AKT3: variants seen among roughly 807,000 people sequenced by gnomAD.
The protein encoded by AKT3 is AKT serine/threonine kinase 3, also known as RAC-gamma serine/threonine-protein kinase.
A neutral mutation model predicts 65.3 loss-of-function variants in AKT3; 15 were observed. The ratio of observed to expected loss-of-function variants is 0.23; its 90% CI spans 0.15 to 0.35. The LOEUF is 0.35. AKT3 is among the 10% of genes least tolerant of loss of function. AKT3 has a pLI of 1.00. For missense variants in AKT3, 243 were observed against 576.5 expected, an observed-to-expected ratio of 0.42 and a Z score of 5.92; for synonymous variants, 206 against 183.8, an observed-to-expected ratio of 1.12 and a Z score of -0.98.
At position 243,822,495 on chromosome 1, in the gene AKT3, GGTTT is replaced by G. The variant is rs537489524; in HGVS notation, c.46+20626_46+20629del. Among the ~76,000 whole-genome samples, 552 of 150,346 alleles carry G rather than the reference GGTTT, an allele frequency of 3.7e-3. 3 individuals are homozygous for G. Among genetic ancestry groups the G allele is most frequent in the Non-Finnish European group, 6.4e-3 (431 of 67,658 alleles). On this transcript the variant is annotated intron_variant, in intron 2 of 13. Coordinates refer to ENST00000673466, the MANE Select transcript of AKT3 (RefSeq NM_005465.7). ...AAAAAAAAAAACTAATCCAGGAGCT[GGTTT>G]TTTTAAAAAATTAATAAAATAGCTA... is the stretch of plus-strand genomic sequence containing the variant.
intron 11 of AKT3, among the ~76,000 whole-genome samples, chr1:243,552,270 C>T (rs1673126368): frequency 9.7e-6 from 1 of 102,842 alleles, no homozygotes; most frequent in East Asian, 3.3e-4. Context: ...GCCTGGGTGG[C>T]AGAGTGAGAC....
rs181973510 is a variant in AKT3 at position 243,530,140 on chromosome 1, T to C, written c.1251+15370A>G. Among the ~76,000 whole-genome samples, 541 of 152,330 alleles carry C rather than the reference T, an allele frequency of 3.6e-3. 1 individual carries two copies. The highest frequency in any genetic ancestry group is 6.8e-3 in the Middle Eastern group (2 of 294). ...CATAGGAATCCTGATTTTTGTACAT[T>C]GATTTTGTATCCTGAGATATTGCTT... On this transcript the variant is annotated intron_variant, in intron 12 of 13. Transcript: ENST00000673466.
chr1:243,547,582 G>A (rs535931728), intron 11 of AKT3, among the ~76,000 whole-genome samples: 2 of 152,244 alleles, frequency 1.3e-5, no homozygotes, highest in South Asian at 4.1e-4. Context: ...GTTTTATCTG[G>A]ATGCAATTCC....
chr1:243,577,048 G>A (rs1204703933), intron 8 of AKT3, among the ~76,000 whole-genome samples: 1 of 152,160 alleles, frequency 6.6e-6, no homozygotes. Context: ...CAATGGAACA[G>A]AATAGAGAAC....
chr1:243,570,723 G>A (rs959632572), intron 9 of AKT3, among the ~76,000 whole-genome samples: 7 of 152,140 alleles, frequency 4.6e-5, no homozygotes, highest in African/African-American at 1.7e-4. Flanking sequence ...AATAACATGT[G>A]TGTAAGTTTT....
intron 10 of AKT3, among the ~76,000 whole-genome samples, chr1:243,558,879 G>A (rs1187980612): frequency 2.6e-5 from 4 of 151,954 alleles, no homozygotes; most frequent in Non-Finnish European, 4.4e-5. Context: ...CTGCCAAAAC[G>A]CACTTAACAC....
At chr1:243,833,213 C>T (rs761574620) in intron 2 of AKT3, among the ~76,000 whole-genome samples, 30 of 152,140 alleles carry the variant, frequency 2.0e-4, no homozygotes, top group Non-Finnish European at 4.3e-4. Context: ...GATCACACCA[C>T]TGCACTTCAG....
chr1:243,647,696 A>G (rs985574702), intron 4 of AKT3, among the ~76,000 whole-genome samples: 4 of 152,208 alleles, frequency 2.6e-5, no homozygotes, highest in African/African-American at 9.7e-5. Flanking sequence ...TGTGGTATGC[A>G]AACAAGAGCA....
chr1:243,601,897 A>G (rs1231506515), intron 8 of AKT3, among the ~76,000 whole-genome samples: 1 of 152,154 alleles, frequency 6.6e-6, no homozygotes, highest in Non-Finnish European at 1.5e-5. Flanking sequence ...CAGGGTTTCC[A>G]ATTATACATA....
chr1:243,505,208 ATAAAT>A lies in AKT3; in HGVS notation c.*36_*40del, dbSNP rs775103000. 12 of 1,544,500 alleles carry A rather than the reference ATAAAT, an allele frequency of 7.8e-6. No individual in the cohort carries two copies. The African/African-American group carries it at 1.6e-4, about 21-fold the overall frequency. ...TGATGTCCAGGAATCATTTTCAGTA[ATAAAT>A]TGAAGATGACAGTGAAGTAGCAGAA... On this transcript the variant is annotated 3_prime_UTR_variant, in exon 14 of 14. Transcript: ENST00000673466.
chr1:243,749,356 A>G (rs922063853), intron 2 of AKT3, among the ~76,000 whole-genome samples: 6 of 152,126 alleles, frequency 3.9e-5, no homozygotes, highest in Admixed American at 3.3e-4. Flanking sequence ...TTCTAAAGGA[A>G]TCATGCCACA....
At chr1:243,798,595 T>G (rs1011318282) in intron 2 of AKT3, among the ~76,000 whole-genome samples, 2 of 152,004 alleles carry the variant, frequency 1.3e-5, no homozygotes, top group African/African-American at 2.4e-5. Flanking sequence ...TTCTCATATC[T>G]TCTCTCTGTT....
At chr1:243,801,907 G>A (rs1011252961) in intron 2 of AKT3, among the ~76,000 whole-genome samples, 6 of 152,128 alleles carry the variant, frequency 3.9e-5, no homozygotes, top group African/African-American at 7.2e-5. Context: ...AAGGCCAACC[G>A]AAACCCCAAA....
chr1:243,675,868 T>C (rs1224748474), intron 3 of AKT3, among the ~76,000 whole-genome samples: 1 of 152,180 alleles, frequency 6.6e-6, no homozygotes, highest in Non-Finnish European at 1.5e-5. Context: ...CTCAGACCTT[T>C]ACCTTCCAAA....
chr1:243,568,839 T>C (rs924056573), intron 9 of AKT3, among the ~76,000 whole-genome samples: 3 of 152,210 alleles, frequency 2.0e-5, no homozygotes, highest in Non-Finnish European at 1.5e-5. Context: ...GGCCGAGGCA[T>C]GGTTGTAACC....
At chr1:243,843,033 T>TTA in intron 2 of AKT3, 92 bp downstream of exon 2, 1 of 1,310,016 alleles carries the variant, frequency 7.6e-7, no homozygotes, top group Non-Finnish European at 1.1e-6. Context: ...TGACACAGTT[T>TTA]AACAGTATCA....
chr1:243,646,137 A>C, intron 4 of AKT3, 100 bp from the exon 5 acceptor site: 1 of 1,063,950 alleles, frequency 9.4e-7, no homozygotes, highest in Non-Finnish European at 1.3e-6. Context: ...AAATCTATTC[A>C]GAGATCAAAC....
At chr1:243,721,897 A>G (rs764953058) in intron 2 of AKT3, among the ~76,000 whole-genome samples, 23 of 152,210 alleles carry the variant, frequency 1.5e-4, no homozygotes, top group Non-Finnish European at 2.8e-4. Context: ...AAGAAAAGAT[A>G]TAAGTAACCT....
intron 3 of AKT3, among the ~76,000 whole-genome samples, chr1:243,679,864 A>G (rs906838365): frequency 1.3e-5 from 2 of 152,236 alleles, no homozygotes; most frequent in African/African-American, 2.4e-5. Flanking sequence ...CAAACAATTT[A>G]TGAGGCAAAC....
Sources: gnomAD v4.1 joint callset for allele counts (sites outside exome capture counted in the v4.1 genomes callset) on GRCh38, gnomAD v4.1.1 for gene constraint, MANE v1.5 for transcripts, NCBI Gene and HGNC (gene_info 2026-07-23, HGNC 2026-07-21) for gene names.